The following LMNA variants were observed in gnomAD, a reference collection of about 807,000 sequenced individuals.
LMNA encodes lamin A/C.
In LMNA, 20 loss-of-function variants were observed where a neutral mutation model predicts 70.4. That is an observed-to-expected ratio of 0.28 (90% CI 0.20 to 0.41). LMNA has a LOEUF of 0.41. LMNA is among the 10% of genes least tolerant of loss of function. LMNA has a pLI of 1.00. For missense variants in LMNA, 652 were observed against 917.2 expected (o/e 0.71, Z 3.73); for synonymous variants, 339 against 372.8 (o/e 0.91, Z 1.04).
chr1:156,121,843 G>T (rs886708823), intron 1 of LMNA, among the ~76,000 whole-genome samples: 2 of 152,078 alleles, frequency 1.3e-5, no homozygotes, highest in African/African-American at 4.8e-5. Flanking sequence ...AGATTGCAGG[G>T]TCTCTTATCC....
rs1553266337 is a variant in LMNA at position 156,137,744 on chromosome 1, G to C, written c.1698+1G>C. 2 of 1,548,548 alleles carry C rather than the reference G, an allele frequency of 1.3e-6. No homozygotes were observed. Among genetic ancestry groups the C allele is most frequent in the Non-Finnish European group, 1.7e-6 (2 of 1,146,848 alleles). On this transcript the variant is annotated splice_donor_variant, in intron 10 of 11. Transcript: ENST00000368300. LOFTEE classifies it high-confidence loss of function. The surrounding 1 kb of genome is among the most constrained non-coding windows in gnomAD (Gnocchi z 4.6). ...AGATGACCTGCTCCATCACCACCAC[G>C]TGAGTGGTAGCCGCCGCTGAGGCCG...
chr1:156,118,633 G>C (rs1649992295), intron 1 of LMNA, among the ~76,000 whole-genome samples: 1 of 152,142 alleles, frequency 6.6e-6, no homozygotes, highest in South Asian at 2.1e-4. Context: ...AGCCAGGATT[G>C]GTTACTCCCT....
chr1:156,138,818 G>C lies in LMNA; in HGVS notation c.1968+61G>C. 3 of 1,605,318 alleles carry C rather than the reference G, an allele frequency of 1.9e-6. No homozygotes were observed. Among genetic ancestry groups the C allele is most frequent in the Non-Finnish European group, 2.6e-6 (3 of 1,174,232 alleles). Reference sequence around the variant, plus strand: ...GCGGGTCCCTGGTCATCGAGGGGTAGGACGAGGTGGCCTTGCAGGGGGGAG... The same window carrying C: ...GCGGGTCCCTGGTCATCGAGGGGTACGACGAGGTGGCCTTGCAGGGGGGAG... On this transcript the variant is annotated intron_variant, in intron 11 of 11. Coordinates refer to ENST00000368300, the MANE Select transcript of LMNA (RefSeq NM_170707.4). The surrounding 1 kb of genome is among the most constrained non-coding windows in gnomAD (Gnocchi z 5.5).
At chr1:156,090,223 A>C (rs552848269) in intron 2 of LMNA, among the ~76,000 whole-genome samples, 32 of 152,324 alleles carry the variant, frequency 2.1e-4, no homozygotes, top group African/African-American at 7.0e-4. Context: ...TCAGAGCTGG[A>C]CTAGAAGTTG....
Position 156,137,901 on chromosome 1 carries a change from A to C in LMNA, c.1698+158A>C. 1.4e-6 allele frequency: 2 copies of C among 1,448,540 alleles called. No individual in the cohort carries two copies. Among genetic ancestry groups the C allele is most frequent in the East Asian group, 2.5e-5 (1 of 40,160 alleles). The allele number at this position is 1,448,540 out of a possible 1,614,324, so 89.7% of individuals were successfully genotyped here. On this transcript the variant is annotated intron_variant, in intron 10 of 11. Coordinates refer to ENST00000368300, the MANE Select transcript of LMNA (RefSeq NM_170707.4). This position sits in a 1 kb window ranked among gnomAD's most constrained non-coding sequence, Gnocchi z 4.6. Reference sequence around the variant, plus strand: ...CTGGCCTTTCTTCTCTCTCCTCCCTATACCTTGAACAGGGAACCCAGGTGT... The same window carrying C: ...CTGGCCTTTCTTCTCTCTCCTCCCTCTACCTTGAACAGGGAACCCAGGTGT...
chr1:156,108,185 G>A (rs1437764472), intron 3 of LMNA, among the ~76,000 whole-genome samples: 1 of 152,164 alleles, frequency 6.6e-6, no homozygotes, highest in Non-Finnish European at 1.5e-5. Flanking sequence ...GCACATGGCA[G>A]CCCCTTAAAG....
chr1:156,102,832 AAC>A (rs1649189569), intron 3 of LMNA, among the ~76,000 whole-genome samples: 1 of 152,204 alleles, frequency 6.6e-6, no homozygotes, highest in Non-Finnish European at 1.5e-5. Flanking sequence ...TTTGGAAAAC[AAC>A]AGTCTTTTGG....
exon 3 of LMNA, chr1:156,090,543 G>A (rs1648657135): frequency 6.6e-6 from 1 of 152,218 alleles, no homozygotes; most frequent in Non-Finnish European, 1.5e-5. Context: ...GGGACCTGAG[G>A]TTCAGAGAGG....
At chr1:156,101,213 C>T (rs1279530592) in intron 3 of LMNA, among the ~76,000 whole-genome samples, 2 of 151,870 alleles carry the variant, frequency 1.3e-5, no homozygotes, top group Admixed American at 1.3e-4. Context: ...GTGGGCTGGG[C>T]GTGGCACCTC....
rs1649197984 is a variant in LMNA at position 156,103,118 on chromosome 1, G to T, written c.-206-11595G>T. Among the ~76,000 whole-genome samples, 1 of 152,202 alleles carries T rather than the reference G, an allele frequency of 6.6e-6. No individual in the cohort carries two copies. The highest frequency in any genetic ancestry group is 1.5e-5 in the Non-Finnish European group (1 of 68,038). On this transcript the variant is annotated intron_variant, in intron 3 of 12. Coordinates refer to the LMNA transcript ENST00000368301. The surrounding 1 kb of genome is among the most constrained non-coding windows in gnomAD (Gnocchi z 4.7). ...GGGCTGCAGCTGAGCTGGGGACTTT[G>T]TCCCTGCAGCTGCTCTGGCCAACCC... is the stretch of plus-strand genomic sequence containing the variant.
Position 156,139,715 on chromosome 1 carries a change from G to T in LMNA, c.*609G>T. 1 of 1,531,208 alleles carries T rather than the reference G, an allele frequency of 6.5e-7. No homozygotes were observed. The highest frequency in any genetic ancestry group is 1.2e-5 in the South Asian group (1 of 83,854). The allele number at this position is 1,531,208 out of a possible 1,614,324, so 94.9% of individuals were successfully genotyped here. A position where few individuals can be genotyped will look rare whatever the true frequency, so the allele number is the denominator to read the frequency against. ...TCCCCACCCCTGCCCCCAGCCCCGG[G>T]GTGAGTCCATTCTCCCAGGTACCAG... On this transcript the variant is annotated 3_prime_UTR_variant, in exon 12 of 12. Transcript: ENST00000368300.
rs1228799143 is a variant in LMNA, at chr1:156,139,951, G to A, written c.*845G>A. On this transcript the variant is annotated 3_prime_UTR_variant, in exon 12 of 12. Transcript: ENST00000368300. ...AGGGGAGAGCCTGCTGGCACCCACC[G>A]TGGAGGAGGAAGGCAAGAGGGGGTG... The A allele has an allele frequency of 5.9e-6, 6 of 1,017,050 alleles. No individual in the cohort carries two copies. Among genetic ancestry groups the A allele is most frequent in the East Asian group, 3.0e-5 (1 of 33,398 alleles). 63.0% of individuals were successfully genotyped at this position (1,017,050 alleles called of 1,614,324 possible).
In LMNA at chr1:156,103,743, C is replaced by A. The variant is rs1451078974; in HGVS notation, c.-206-10970C>A. ...CTGTGCCTGTGCCAACAACAGCCCACATCACAGGGCCACATCTGGCTCCAT... is the reference window on the plus strand; with the variant it reads ...CTGTGCCTGTGCCAACAACAGCCCAAATCACAGGGCCACATCTGGCTCCAT... On this transcript the variant is annotated intron_variant, in intron 3 of 12. Transcript: ENST00000368301. This position sits in a 1 kb window ranked among gnomAD's most constrained non-coding sequence, Gnocchi z 4.7. Among the ~76,000 whole-genome samples the A allele has an allele frequency of 2.0e-5, 3 of 152,166 alleles. No individual in the cohort carries two copies. The East Asian group carries it at 5.8e-4, about 29-fold the overall frequency.
chr1:156,125,146 A>G (rs2102846023), intron 1 of LMNA, among the ~76,000 whole-genome samples: 1 of 152,354 alleles, frequency 6.6e-6, no homozygotes, highest in South Asian at 2.1e-4. Context: ...TGTGGGACAC[A>G]CAGAAAAAGC....
At position 156,138,419 on chromosome 1, in the gene LMNA, G is replaced by A; in HGVS notation, c.1699-69G>A. On this transcript the variant is annotated intron_variant, in intron 10 of 11. Coordinates refer to ENST00000368300, the MANE Select transcript of LMNA (RefSeq NM_170707.4). This position sits in a 1 kb window ranked among gnomAD's most constrained non-coding sequence, Gnocchi z 5.5. ...GCGGCTGGGAGCCTGCAGGAGCCTG[G>A]AGCCTGGTTGGGCCTGAGTGGTCAG... 1 of 1,546,898 alleles carries A rather than the reference G, an allele frequency of 6.5e-7. No homozygotes were observed. The highest frequency in any genetic ancestry group is 8.8e-7 in the Non-Finnish European group (1 of 1,138,498).
upstream of LMNA, chr1:156,114,704 G>C: frequency 1.8e-6 from 1 of 555,756 alleles, no homozygotes; most frequent in Non-Finnish European, 3.1e-6. Flanking sequence ...CCCGGCGTCG[G>C]TGACTCAGTG....
chr1:156,099,058 G>T (rs1649044738), intron 3 of LMNA, among the ~76,000 whole-genome samples: 2 of 152,156 alleles, frequency 1.3e-5, no homozygotes, highest in African/African-American at 4.8e-5. Flanking sequence ...TGACAACTCA[G>T]CTGGGGTTGG....
At chr1:156,101,454 T>C (rs1013274277) in intron 3 of LMNA, among the ~76,000 whole-genome samples, 1 of 151,984 alleles carries the variant, frequency 6.6e-6, no homozygotes, top group Admixed American at 6.6e-5. Flanking sequence ...ATTGCACCAA[T>C]GCACTCCAGC....
At chr1:156,089,644 G>T (rs535424034) in intron 2 of LMNA, among the ~76,000 whole-genome samples, 1 of 152,228 alleles carries the variant, frequency 6.6e-6, no homozygotes, top group South Asian at 2.1e-4. Flanking sequence ...GACTCGGAGG[G>T]CTACAGAGGT....
Sources: gnomAD v4.1 joint callset for allele counts (sites outside exome capture counted in the v4.1 genomes callset) on GRCh38, gnomAD v4.1.1 for gene constraint, Gnocchi (gnomAD v3.1) non-coding constraint, MANE v1.5 for transcripts, NCBI Gene and HGNC (gene_info 2026-07-23, HGNC 2026-07-21) for gene names.